Variants in PP2D1 observed in about 807,000 individuals in gnomAD.
The protein encoded by PP2D1 is protein phosphatase 2C like domain containing 1, also known as protein phosphatase 2C-like domain-containing protein 1.
Under a neutral mutation model 30.2 loss-of-function variants are expected in PP2D1, and 25 were observed. The ratio of observed to expected loss-of-function variants is 0.83; its 90% CI spans 0.60 to 1.16. The LOEUF (loss-of-function observed/expected upper bound fraction) is 1.16, where lower values mean the gene tolerates loss of function less well. PP2D1 is among the 50% of genes most tolerant of loss of function. PP2D1 has a pLI of 0.00. For missense variants in PP2D1, 760 were observed against 742.4 expected (o/e 1.02, Z -0.28); for synonymous variants, 260 against 258.9 (o/e 1.00, Z -0.04).
At chr3:20,011,514 A>G (rs1034184572) in intron 1 of PP2D1, among the ~76,000 whole-genome samples, 1 of 152,146 alleles carries the variant, frequency 6.6e-6, no homozygotes, top group African/African-American at 2.4e-5. Context: ...AACAAATTAA[A>G]TAGGCCGGGC....
chr3:19,990,654 C>T (rs902648848), intron 2 of PP2D1, among the ~76,000 whole-genome samples: 4 of 151,982 alleles, frequency 2.6e-5, no homozygotes, highest in Non-Finnish European at 5.9e-5. Context: ...ATGCTGTCAG[C>T]TACAAACAGG....
At position 19,986,173 on chromosome 3, in the gene PP2D1, T is replaced by C; in HGVS notation, c.1100A>G (p.Gln367Arg). The C allele has an allele frequency of 6.7e-7, 1 of 1,483,460 alleles. No individual in the cohort carries two copies. Among genetic ancestry groups the C allele is most frequent in the Non-Finnish European group, 8.9e-7 (1 of 1,124,428 alleles). The allele number at this position is 1,483,460 out of a possible 1,614,324, so 91.9% of individuals were successfully genotyped here. A position where few individuals can be genotyped will look rare whatever the true frequency, so the allele number is the denominator to read the frequency against. The change falls in exon 3 of 3, where the codon CAA becomes CGA. Residue 367 changes from glutamine to arginine, a missense_variant. By Grantham distance (43) the Gln-to-Arg change is conservative. This residue lies in a region of PP2D1 where 369 missense variants were observed against 316.2 expected (regional missense o/e 1.17). Coordinates refer to ENST00000389050, the MANE Select transcript of PP2D1 (RefSeq NM_001252657.2). ...ILHVANTGNV[Q>R]AVLCRNGKGF... is the part of the protein sequence containing the mutation. ...TTTCCCATTTCTGCATAAGACTGCT[T>C]GCACATTACCTAAAAGATTATTTTT...
intron 1 of PP2D1, among the ~76,000 whole-genome samples, chr3:20,005,331 T>C (rs570198121): frequency 6.6e-6 from 1 of 152,032 alleles, no homozygotes; most frequent in East Asian, 1.9e-4. Flanking sequence ...TTTGTATTTT[T>C]AGTAGAGACA....
chr3:19,988,734 A>C (rs1039655566), intron 2 of PP2D1, among the ~76,000 whole-genome samples: 1 of 152,098 alleles, frequency 6.6e-6, no homozygotes, highest in Non-Finnish European at 1.5e-5. Context: ...CCAGCTTTAA[A>C]ATTTCTGTCT....
At chr3:19,981,890 T>C (rs538648901), downstream of PP2D1, among the ~76,000 whole-genome samples, 3 of 152,268 alleles carry the variant, frequency 2.0e-5, no homozygotes, top group East Asian at 5.8e-4. Context: ...TTCAGGATAA[T>C]TCTATCTGGA....
At chr3:19,981,765 A>T (rs1696932933), downstream of PP2D1, among the ~76,000 whole-genome samples, 1 of 152,170 alleles carries the variant, frequency 6.6e-6, no homozygotes, top group Admixed American at 6.5e-5. Flanking sequence ...CACTAGCTGT[A>T]TAGAGCTTGG....
intron 3 of PP2D1, chr3:19,980,281 C>A (rs1213718083): frequency 6.6e-6 from 1 of 152,134 alleles, no homozygotes; most frequent in East Asian, 1.9e-4. Flanking sequence ...TAGTTTGTAC[C>A]TTTTTATTCA....
chr3:19,993,401 CT>C, intron 2 of PP2D1, among the ~76,000 whole-genome samples: 1 of 152,234 alleles, frequency 6.6e-6, no homozygotes, highest in African/African-American at 2.4e-5. Flanking sequence ...CAGAAACCAG[CT>C]TTTACCTGAG....
At chr3:20,006,978 C>CAT (rs947939853) in intron 1 of PP2D1, among the ~76,000 whole-genome samples, 1 of 145,578 alleles carries the variant, frequency 6.9e-6, no homozygotes, top group South Asian at 2.3e-4. Context: ...TATATACACA[C>CAT]ATATATATGT....
intron 2 of PP2D1, among the ~76,000 whole-genome samples, chr3:19,991,365 A>G (rs1005671146): frequency 1.4e-4 from 21 of 152,232 alleles, no homozygotes; most frequent in African/African-American, 4.3e-4. Context: ...CTGAGTAGGC[A>G]ATATCAACAT....
At chr3:19,997,137 C>G (rs1486960256) in intron 2 of PP2D1, among the ~76,000 whole-genome samples, 1 of 148,914 alleles carries the variant, frequency 6.7e-6, no homozygotes, top group East Asian at 2.0e-4. Flanking sequence ...ATTTTATCAA[C>G]AATGCTGGAG....
At chr3:19,997,376 G>A (rs1282132453) in intron 2 of PP2D1, among the ~76,000 whole-genome samples, 3 of 150,576 alleles carry the variant, frequency 2.0e-5, no homozygotes. Context: ...AACAAATTAG[G>A]CATAGAAGAA....
chr3:19,984,820 TTCTC>T (rs536492616), downstream of PP2D1: 1 of 153,068 alleles, frequency 6.5e-6, no homozygotes, highest in African/African-American at 2.4e-5. Flanking sequence ...AGCTAATTAT[TTCTC>T]TCTCCCCCTT....
At chr3:19,998,867 C>A (rs1234877756) in intron 2 of PP2D1, among the ~76,000 whole-genome samples, 1 of 152,120 alleles carries the variant, frequency 6.6e-6, no homozygotes, top group Non-Finnish European at 1.5e-5. Flanking sequence ...GGCTGAAAGT[C>A]ATTTAAAGTT....
At chr3:19,980,664 G>A (rs953723575), downstream of PP2D1, among the ~76,000 whole-genome samples, 1 of 152,150 alleles carries the variant, frequency 6.6e-6, no homozygotes, top group Non-Finnish European at 1.5e-5. Context: ...TGGAACCTAA[G>A]TTGTTATTAT....
Position 19,986,159 on chromosome 3 carries a change from T to G in PP2D1, c.1114A>C (p.Arg372=). The part of the protein sequence containing the change: ...NTGNVQAVLC[R]NGKGFCLTKE... ...GTTAGGCAAAAACCTTTCCCATTTCTGCATAAGACTGCTTGCACATTACCT... is the reference window on the plus strand; with the variant it reads ...GTTAGGCAAAAACCTTTCCCATTTCGGCATAAGACTGCTTGCACATTACCT... The change falls in exon 3 of 3, where the codon AGA becomes CGA. Residue 372 remains arginine (R), a synonymous_variant. Transcript: ENST00000389050. 6.6e-7 allele frequency: 1 copy of G among 1,505,628 alleles called. No homozygotes were observed. The highest frequency in any genetic ancestry group is 8.8e-7 in the Non-Finnish European group (1 of 1,134,080). The allele number at this position is 1,505,628 out of a possible 1,614,324, so 93.3% of individuals were successfully genotyped here. A position where few individuals can be genotyped will look rare whatever the true frequency, so the allele number is the denominator to read the frequency against.
downstream of PP2D1, among the ~76,000 whole-genome samples, chr3:19,980,985 A>C (rs918307989): frequency 6.6e-6 from 1 of 152,254 alleles, no homozygotes; most frequent in African/African-American, 2.4e-5. Context: ...ATCTCAAAGC[A>C]GAGTGTATTC....
chr3:20,001,266 G>A lies in PP2D1; in HGVS notation c.854C>T (p.Ala285Val), dbSNP rs1395392764. The A allele has an allele frequency of 6.5e-7, 1 of 1,536,006 alleles. No individual in the cohort carries two copies. Among genetic ancestry groups the A allele is most frequent in the Admixed American group, 2.0e-5 (1 of 50,964 alleles). The stretch of plus-strand genomic sequence containing the variant: ...CATTCTCCAAAATGCTTTTGCAAAG[G>A]CTTTGTGTGTGTCCTCATACTCACA... ...VRCEYEDTHK[A>V]FAKAFWRMDR... is the part of the protein sequence containing the mutation. Residue 285 changes from alanine (A) to valine (V), a missense_variant, in exon 2 of 3, where the codon GCC becomes GTC. By Grantham distance (64) the Ala-to-Val change is moderately conservative. This residue lies in a region of PP2D1 where 374 missense variants were observed against 388.8 expected (regional missense o/e 0.96). Transcript: ENST00000389050.
chr3:20,006,320 A>C (rs911206105), intron 1 of PP2D1, among the ~76,000 whole-genome samples: 5 of 152,148 alleles, frequency 3.3e-5, no homozygotes, highest in South Asian at 4.1e-4. Flanking sequence ...CCATCCTAAA[A>C]TCTGATGTTT....
Sources: allele counts gnomAD v4.1 joint callset (sites outside exome capture counted in the v4.1 genomes callset), GRCh38; gene constraint gnomAD v4.1.1; regional missense constraint gnomAD v4.1.1; transcripts MANE v1.5; gene names NCBI Gene and HGNC (gene_info 2026-07-23, HGNC 2026-07-21).